The following DNAH6 variants were observed in gnomAD, a reference collection of about 807,000 sequenced individuals.
DNAH6 encodes the protein dynein axonemal heavy chain 6.
Under a neutral mutation model 491.4 loss-of-function variants are expected in DNAH6, and 340 were observed. The ratio of observed to expected loss-of-function variants is 0.69; its 90% confidence interval spans 0.63 to 0.76. DNAH6 has a LOEUF of 0.76. Among genes scored for constraint, DNAH6 ranks in the 30% least tolerant of loss-of-function variants. The pLI is 0.00. For synonymous variants in DNAH6, 1,603 were observed against 1,686.1 expected (o/e 0.95, Z 1.21); for missense variants, 4,443 against 4,972.2 (o/e 0.89, Z 3.20).
chr2:84,711,324 T>A (rs1210870174), intron 56 of DNAH6, among the ~76,000 whole-genome samples: 1 of 152,146 alleles, frequency 6.6e-6, no homozygotes, highest in Non-Finnish European at 1.5e-5. Context: ...TGGTTAATGA[T>A]CATGGTTTAT....
the DNAH6 span, among the ~76,000 whole-genome samples, chr2:84,510,745 G>A: frequency 3.3e-5 from 5 of 152,244 alleles, no homozygotes; most frequent in South Asian, 1.0e-3. Flanking sequence ...CATACAGATG[G>A]GGTTTTGGTG....
intron 11 of DNAH6, among the ~76,000 whole-genome samples, chr2:84,573,155 A>G (rs529642076): frequency 3.9e-4 from 59 of 152,354 alleles, no homozygotes; most frequent in African/African-American, 1.3e-3. Context: ...CCTCTTTGCC[A>G]TATGTTTACT....
At chr2:84,786,078 G>A (rs1192316) in intron 67 of DNAH6, among the ~76,000 whole-genome samples, 17,837 of 151,088 alleles carry the variant, frequency 0.12, 1,070 homozygotes, top group Non-Finnish European at 0.13. Flanking sequence ...GTTTTCAAAC[G>A]TGTGTGGTCT....
chr2:84,808,003 C>G (rs992517123), intron 71 of DNAH6, among the ~76,000 whole-genome samples: 1 of 152,162 alleles, frequency 6.6e-6, no homozygotes, highest in African/African-American at 2.4e-5. Flanking sequence ...ACCTACCTCT[C>G]CTGTCCCAGG....
At chr2:84,472,168 A>G in the DNAH6 span, among the ~76,000 whole-genome samples, 1 of 151,972 alleles carries the variant, frequency 6.6e-6, no homozygotes, top group Non-Finnish European at 1.5e-5. Flanking sequence ...AGCTAGATGC[A>G]ATTGCATATG....
At chr2:84,635,220 A>G (rs966517962) in intron 30 of DNAH6, among the ~76,000 whole-genome samples, 1 of 152,224 alleles carries the variant, frequency 6.6e-6, no homozygotes, top group African/African-American at 2.4e-5. Context: ...GCCCTCTGCA[A>G]AAAAGCGAAT....
chr2:84,672,296 T>C lies in DNAH6; in HGVS notation c.6455-31T>C, dbSNP rs186001323. The C allele has an allele frequency of 6.6e-5, 101 of 1,536,896 alleles. 2 individuals carry two copies. The African/African-American group carries it at 1.1e-3, about 16-fold the overall frequency. ...TACATTTTCTAAGGGAAAATCATAATTCTTAAATTAAATTCATTTTATTTC... is the reference window on the plus strand; with the variant it reads ...TACATTTTCTAAGGGAAAATCATAACTCTTAAATTAAATTCATTTTATTTC... On this transcript the variant is annotated intron_variant, in intron 39 of 76. Coordinates refer to ENST00000389394, the MANE Select transcript of DNAH6 (RefSeq NM_001370.2).
At chr2:84,553,422 TTTC>T (rs1315381356) in intron 10 of DNAH6, among the ~76,000 whole-genome samples, 1 of 148,106 alleles carries the variant, frequency 6.8e-6, no homozygotes, top group Non-Finnish European at 1.5e-5. Flanking sequence ...TCTTTCTTTC[TTTC>T]TTTCTTTCTT....
chr2:84,688,501 T>C lies in DNAH6; in HGVS notation c.7200T>C (p.Asn2400=), dbSNP rs1694513732. The C allele has an allele frequency of 1.3e-6, 2 of 1,541,294 alleles. No homozygotes were observed. The highest frequency in any genetic ancestry group is 2.5e-5 in the East Asian group (1 of 40,598). The change falls in exon 45 of 77, where the codon AAT becomes AAC. Residue 2400 remains asparagine (N), a synonymous_variant. Coordinates refer to ENST00000389394, the MANE Select transcript of DNAH6 (RefSeq NM_001370.2). ...DDMPDIEKTA[N]VLQDYLDDYN... is the part of the protein sequence containing the mutation. Reference sequence around the variant, plus strand: ...TGCCTGATATAGAGAAAACTGCAAATGTTCTACAGGACTATCTTGATGATT... The same window carrying C: ...TGCCTGATATAGAGAAAACTGCAAACGTTCTACAGGACTATCTTGATGATT...
intron 4 of DNAH6, among the ~76,000 whole-genome samples, chr2:84,540,839 T>C (rs1678175105): frequency 6.6e-6 from 1 of 152,162 alleles, no homozygotes; most frequent in Non-Finnish European, 1.5e-5. Context: ...GCACTACATA[T>C]ATTTTTTGCA....
At chr2:84,617,314 T>C (rs1686952854) in intron 23 of DNAH6, among the ~76,000 whole-genome samples, 1 of 151,894 alleles carries the variant, frequency 6.6e-6, no homozygotes, top group Non-Finnish European at 1.5e-5. Context: ...TAAAATGGGG[T>C]ATCCATCCCC....
At position 84,743,903 on chromosome 2, in the gene DNAH6, G is replaced by A. The variant is rs551098769; in HGVS notation, c.10343-1177G>A. Among the ~76,000 whole-genome samples, 415 of 152,192 alleles carry A rather than the reference G, an allele frequency of 2.7e-3. 1 individual carries two copies. Among genetic ancestry groups the A allele is most frequent in the Non-Finnish European group, 4.7e-3 (321 of 68,010 alleles). ...ACATTATTTTCTCCCATCATTTCCT[G>A]GAGTCCTAATGATTACACAATAAAT... On this transcript the variant is annotated intron_variant, in intron 62 of 76. Transcript: ENST00000389394.
At chr2:84,722,975 C>T (rs1698306407) in intron 60 of DNAH6, among the ~76,000 whole-genome samples, 171 bp downstream of exon 60, 1 of 152,194 alleles carries the variant, frequency 6.6e-6, no homozygotes, top group Non-Finnish European at 1.5e-5. Flanking sequence ...CACCTGTAAT[C>T]CCAGCACTTT....
At chr2:84,764,044 C>T (rs1017771785) in intron 64 of DNAH6, among the ~76,000 whole-genome samples, 6 of 152,148 alleles carry the variant, frequency 3.9e-5, no homozygotes, top group African/African-American at 9.7e-5. Flanking sequence ...CTAAGTCCCG[C>T]TCACTTAGCT....
intron 11 of DNAH6, among the ~76,000 whole-genome samples, chr2:84,565,543 C>T (rs1017505117): frequency 2.6e-5 from 4 of 151,740 alleles, no homozygotes; most frequent in Non-Finnish European, 5.9e-5. Context: ...GTTGTAATTT[C>T]ATCTTTGTCA....
intron 70 of DNAH6, among the ~76,000 whole-genome samples, chr2:84,802,427 A>G (rs1170540886): frequency 6.6e-6 from 1 of 152,192 alleles, no homozygotes; most frequent in Non-Finnish European, 1.5e-5. Context: ...GAGAAATCAG[A>G]CCCTAAACTA....
At chr2:84,724,998 A>C (rs1051879689) in intron 60 of DNAH6, among the ~76,000 whole-genome samples, 2 of 152,186 alleles carry the variant, frequency 1.3e-5, no homozygotes, top group African/African-American at 2.4e-5. Flanking sequence ...GATATGCTTC[A>C]TCTGGCATAA....
chr2:84,565,971 G>A (rs1681159602), intron 11 of DNAH6, among the ~76,000 whole-genome samples: 1 of 151,318 alleles, frequency 6.6e-6, no homozygotes, highest in Non-Finnish European at 1.5e-5. Flanking sequence ...TCTTTATTTT[G>A]AGCCTATGGG....
At chr2:84,755,704 A>T (rs1673942785) in intron 63 of DNAH6, among the ~76,000 whole-genome samples, 1 of 152,192 alleles carries the variant, frequency 6.6e-6, no homozygotes, top group African/African-American at 2.4e-5. Context: ...ATAAGAGCAG[A>T]TCCTTGCCTT....
Sources: allele counts gnomAD v4.1 joint callset (sites outside exome capture counted in the v4.1 genomes callset), GRCh38; gene constraint gnomAD v4.1.1; transcripts MANE v1.5; gene names NCBI Gene and HGNC (gene_info 2026-07-23, HGNC 2026-07-21).